The following ICAM2 variants were observed in gnomAD, a reference collection of about 807,000 sequenced individuals.
ICAM2 encodes the protein intercellular adhesion molecule 2.
A neutral mutation model predicts 19.1 loss-of-function variants in ICAM2; 14 were observed. That is an observed-to-expected ratio of 0.73 (90% CI 0.48 to 1.15). The LOEUF (loss-of-function observed/expected upper bound fraction) is 1.15. Among genes scored for constraint, ICAM2 ranks in the 50% most tolerant of loss-of-function variants. ICAM2 has a pLI of 0.00. For missense variants in ICAM2, 311 were observed against 355.4 expected (o/e 0.88, Z 1.00); for synonymous variants, 153 against 152.7 (o/e 1.00, Z -0.01).
At chr17:64,013,496 A>G (rs1911534425) in intron 1 of ICAM2, among the ~76,000 whole-genome samples, 1 of 151,430 alleles carries the variant, frequency 6.6e-6, no homozygotes, top group African/African-American at 2.4e-5. Flanking sequence ...GTGAGTTCCT[A>G]TCTCAAAAAA....
At chr17:64,002,989 G>A in intron 4 of ICAM2, 64 bp from the exon 5 acceptor site, 2 of 1,507,518 alleles carry the variant, frequency 1.3e-6, no homozygotes, top group Non-Finnish European at 9.1e-7. Flanking sequence ...GACCAAAAGG[G>A]AGTGGAAGTC....
At chr17:64,013,256 G>T (rs1324865343) in intron 1 of ICAM2, among the ~76,000 whole-genome samples, 5 of 152,208 alleles carry the variant, frequency 3.3e-5, no homozygotes, top group Non-Finnish European at 4.4e-5. Flanking sequence ...AGCTTGCAGT[G>T]AGTTGAGATC....
rs75407288 is a variant in ICAM2, at chr17:64,010,140, G to A, written c.-44-3405C>T. Among the ~76,000 whole-genome samples the A allele has an allele frequency of 7.2e-5, 11 of 152,240 alleles. No individual in the cohort carries two copies. In the East Asian group the frequency reaches 1.7e-3, roughly 24 times the overall value. On this transcript the variant is annotated intron_variant, in intron 1 of 4. Transcript: ENST00000579788. ...CCCCGATCTCCTCATTTGGCACCCC[G>A]GGATCATTAAACTTTTTCTCTGCAG... is the stretch of plus-strand genomic sequence containing the variant.
At chr17:64,014,617 G>C (rs551428697) in intron 1 of ICAM2, among the ~76,000 whole-genome samples, 50 of 136,146 alleles carry the variant, frequency 3.7e-4, no homozygotes, top group African/African-American at 1.3e-3. Context: ...GGGAGGGAGG[G>C]AGAGAGAGAG....
chr17:64,018,604 C>G (rs1216656055), intron 1 of ICAM2, among the ~76,000 whole-genome samples: 1 of 150,828 alleles, frequency 6.6e-6, no homozygotes, highest in Non-Finnish European at 1.5e-5. Flanking sequence ...TAGGCATTAT[C>G]TTGTAAACGG....
intron 1 of ICAM2, among the ~76,000 whole-genome samples, chr17:64,011,719 G>A (rs1911460441): frequency 6.6e-6 from 1 of 151,604 alleles, no homozygotes; most frequent in Non-Finnish European, 1.5e-5. Context: ...GGCAACACAG[G>A]GAGACCCTGT....
chr17:64,014,787 G>A (rs1228007482), intron 1 of ICAM2, among the ~76,000 whole-genome samples: 1 of 151,904 alleles, frequency 6.6e-6, no homozygotes, highest in Non-Finnish European at 1.5e-5. Flanking sequence ...AGGAAAATAA[G>A]TCTGATGGCC....
chr17:64,018,922 T>G (rs1473634807), intron 1 of ICAM2, among the ~76,000 whole-genome samples: 1 of 151,688 alleles, frequency 6.6e-6, no homozygotes, highest in Admixed American at 6.6e-5. Context: ...GGGTTTCATC[T>G]TGTTGGCCAG....
At chr17:64,018,999 C>A (rs1911835690) in intron 1 of ICAM2, among the ~76,000 whole-genome samples, 1 of 152,162 alleles carries the variant, frequency 6.6e-6, no homozygotes, top group Non-Finnish European at 1.5e-5. Context: ...GGATTACAGG[C>A]ATGAGCCACT....
chr17:64,003,286 C>T (rs781316469), intron 4 of ICAM2: 1 of 421,532 alleles, frequency 2.4e-6, no homozygotes, highest in Middle Eastern at 6.8e-4. Flanking sequence ...TCATGCCAGG[C>T]TCCCTGTGTG....
At position 64,006,714 on chromosome 17, in the gene ICAM2, G is replaced by A. The variant is rs768713501; in HGVS notation, c.-23C>T. 17 of 1,612,498 alleles carry A rather than the reference G, an allele frequency of 1.1e-5. No homozygotes were observed. In the South Asian group the frequency reaches 1.4e-4, roughly 14 times the overall value. On this transcript the variant is annotated 5_prime_UTR_variant, in exon 2 of 5. Coordinates refer to ENST00000579788, the MANE Select transcript of ICAM2 (RefSeq NM_001099789.2). ...CATCTCTGGCAGTCTCCACGGGCTC[G>A]CAGGGACCAGCCAAGGGCTGCCTGG...
At chr17:64,017,109 C>T (rs1162815844) in intron 1 of ICAM2, among the ~76,000 whole-genome samples, 1 of 151,896 alleles carries the variant, frequency 6.6e-6, no homozygotes, top group Non-Finnish European at 1.5e-5. Flanking sequence ...TAATATTGTA[C>T]CAAAGGTCTT....
Position 64,002,924 on chromosome 17 carries a change from C to G in ICAM2, c.651G>C (p.Glu217Asp), listed in dbSNP as rs755716381. 1 of 1,612,150 alleles carries G rather than the reference C, an allele frequency of 6.2e-7. No individual in the cohort carries two copies. Among genetic ancestry groups the G allele is most frequent in the Non-Finnish European group, 8.5e-7 (1 of 1,179,086 alleles). Residue 217 changes from glutamate to aspartate, a missense_variant and splice_region_variant, in exon 5 of 5, where the codon GAG (glutamate) becomes GAC (aspartate). Physicochemically the swap from Glu to Asp is conservative, Grantham distance 45 (BLOSUM62 2). Transcript: ENST00000579788. The stretch of plus-strand genomic sequence containing the variant: ...TGACCATCTGGCTGTCCGACACAGG[C>G]TCTGGGGAGGGAGGGGGCAAGGGTC... ...HSAPKMLEIY[E>D]PVSDSQMVII... is the part of the protein sequence containing the mutation.
chr17:64,019,454 T>C (rs1189056886), intron 1 of ICAM2, among the ~76,000 whole-genome samples: 4 of 151,722 alleles, frequency 2.6e-5, no homozygotes, highest in African/African-American at 9.7e-5. Context: ...CACTTAAAAA[T>C]AAGAGAACAA....
intron 1 of ICAM2, among the ~76,000 whole-genome samples, chr17:64,015,873 TA>T (rs1303410387): frequency 2.6e-5 from 4 of 152,092 alleles, no homozygotes; most frequent in Admixed American, 1.3e-4. Flanking sequence ...TTATTATTAT[TA>T]TTTTTTTTAG....
Position 64,005,009 on chromosome 17 carries a change from A to G in ICAM2, c.328+98T>C, listed in dbSNP as rs188273506. 5 of 1,384,456 alleles carry G rather than the reference A, an allele frequency of 3.6e-6. No individual in the cohort carries two copies. In the East Asian group the frequency reaches 9.5e-5, roughly 26 times the overall value. The allele number at this position is 1,384,456 out of a possible 1,614,324, so 85.8% of individuals were successfully genotyped here. A position where few individuals can be genotyped will look rare whatever the true frequency, so the allele number is the denominator to read the frequency against. ...CTCAGGGAGGCAGGGCCCCACGATG[A>G]CAGTGCCCAGGAGCAGGCACAGAGG... On this transcript the variant is annotated intron_variant, in intron 3 of 4. Coordinates refer to ENST00000579788, the MANE Select transcript of ICAM2 (RefSeq NM_001099789.2).
At chr17:64,007,208 C>G (rs573851505) in intron 1 of ICAM2, among the ~76,000 whole-genome samples, 1 of 152,142 alleles carries the variant, frequency 6.6e-6, no homozygotes, top group African/African-American at 2.4e-5. Flanking sequence ...TGCTAAATGC[C>G]TGGTGCAATT....
chr17:64,014,722 G>A (rs11870289), intron 1 of ICAM2, among the ~76,000 whole-genome samples: 2,694 of 15,376 alleles, frequency 0.18, 76 homozygotes, highest in African/African-American at 0.19. Flanking sequence ...AGGAAGGAAG[G>A]AAGAAAGAAA....
intron 1 of ICAM2, among the ~76,000 whole-genome samples, chr17:64,014,330 GGAAAGAAAGAAAGAAAGAAAGAAA>G (rs1187209016): frequency 1.3e-4 from 4 of 31,154 alleles, no homozygotes; most frequent in African/African-American, 4.4e-4. Context: ...AAGGAAGGAA[GGAAAGAAAGAAAGAAAGAAAGAAA>G]GAAAGAAAGA....
Sources: allele counts gnomAD v4.1 joint callset (sites outside exome capture counted in the v4.1 genomes callset), GRCh38; gene constraint gnomAD v4.1.1; transcripts MANE v1.5; gene names NCBI Gene and HGNC (gene_info 2026-07-23, HGNC 2026-07-21).